Variants in RGS17 observed in about 807,000 individuals in gnomAD.
The protein encoded by RGS17 is regulator of G protein signaling 17.
In RGS17, 12 loss-of-function variants were observed where a neutral mutation model predicts 25.5. That is an observed-to-expected ratio of 0.47 (90% CI 0.30 to 0.76). RGS17 has a LOEUF of 0.76. RGS17 is among the 30% of genes least tolerant of loss of function. RGS17 has a pLI of 0.07. For synonymous variants in RGS17, 71 were observed against 76.9 expected (o/e 0.92, Z 0.40); for missense variants, 196 against 242.2 (o/e 0.81, Z 1.27).
intron 1 of RGS17, among the ~76,000 whole-genome samples, chr6:153,070,808 CACATAT>C (rs965030591): frequency 2.1e-4 from 32 of 150,558 alleles, no homozygotes; most frequent in East Asian, 1.8e-3. Context: ...TATACATATA[CACATAT>C]ACATATACAT....
chr6:153,077,071 A>C lies in RGS17; in HGVS notation c.-25-33028T>G, dbSNP rs181886262. On this transcript the variant is annotated intron_variant, in intron 1 of 4. Transcript: ENST00000206262. ...GGGACCACCTGACATTGTGTGCCTC[A>C]TAACTGATGCAACAGGAGATACTCA... Among the ~76,000 whole-genome samples the C allele has an allele frequency of 1.2e-3, 179 of 152,332 alleles. 1 individual carries two copies. The highest frequency in any genetic ancestry group is 4.1e-3 in the African/African-American group (172 of 41,582).
At position 153,008,323 on chromosome 6, in the gene RGS17, A is replaced by G. The variant is rs1048474905; in HGVS notation, c.*3251T>C. 1.2e-5 allele frequency: 1 copy of G among 80,966 alleles called. No individual in the cohort carries two copies. The highest frequency in any genetic ancestry group is 2.6e-5 in the Non-Finnish European group (1 of 38,656). The allele number at this position is 80,966 out of a possible 1,614,324, so 5.0% of individuals were successfully genotyped here. On this transcript the variant is annotated 3_prime_UTR_variant, in exon 5 of 5. Transcript: ENST00000206262. Reference sequence around the variant, plus strand: ...CTGGTCATTCTATGTACATATTTTAAGATTTCAAAAAAAAAAAACATCACA... The same window carrying G: ...CTGGTCATTCTATGTACATATTTTAGGATTTCAAAAAAAAAAAACATCACA...
At chr6:153,013,894 C>G (rs80298622) in intron 4 of RGS17, among the ~76,000 whole-genome samples, 2 of 150,958 alleles carry the variant, frequency 1.3e-5, no homozygotes, top group East Asian at 4.0e-4. Flanking sequence ...AAGAAGTTAT[C>G]TCCATAACAT....
intron 4 of RGS17, among the ~76,000 whole-genome samples, chr6:153,013,904 T>TA (rs1356036035): frequency 1.3e-5 from 2 of 150,804 alleles, no homozygotes; most frequent in East Asian, 2.0e-4. Context: ...CTCCATAACA[T>TA]AAAAGTTCAA....
rs551092249 is a variant in RGS17 at position 153,078,030 on chromosome 6, C to T, written c.-25-33987G>A. ...TTGGGATTCCAGGCGCCCACCACCA[C>T]GTCTGGCTTATTTTTGTATTTTTAG... is the stretch of plus-strand genomic sequence containing the variant. On this transcript the variant is annotated intron_variant, in intron 1 of 4. Transcript: ENST00000206262. Among the ~76,000 whole-genome samples, 3 of 152,160 alleles carry T rather than the reference C, an allele frequency of 2.0e-5. No homozygotes were observed. The South Asian group carries it at 6.2e-4, about 32-fold the overall frequency.
chr6:153,061,706 T>TC (rs78812565), intron 1 of RGS17, among the ~76,000 whole-genome samples: 58,336 of 151,920 alleles, frequency 0.38, 11,889 homozygotes, highest in East Asian at 0.62. Flanking sequence ...TGTGGAAATA[T>TC]CCCCAGAAGG....
chr6:153,078,905 T>C (rs1194942131), intron 1 of RGS17, among the ~76,000 whole-genome samples: 1 of 149,794 alleles, frequency 6.7e-6, no homozygotes, highest in Non-Finnish European at 1.5e-5. Flanking sequence ...GTATCCTGAC[T>C]AAATTTACAT....
At chr6:153,038,897 G>A (rs1372490467) in intron 2 of RGS17, among the ~76,000 whole-genome samples, 1 of 152,112 alleles carries the variant, frequency 6.6e-6, no homozygotes, top group African/African-American at 2.4e-5. Flanking sequence ...TATTTATGAA[G>A]CACTTAACAT....
At chr6:153,113,761 C>T (rs947791725) in intron 1 of RGS17, among the ~76,000 whole-genome samples, 10 of 152,142 alleles carry the variant, frequency 6.6e-5, no homozygotes, top group African/African-American at 2.2e-4. Context: ...AATTAGAACT[C>T]GGGATTAAGA....
chr6:153,019,314 T>C (rs75103878), intron 4 of RGS17, among the ~76,000 whole-genome samples: 3,730 of 152,128 alleles, frequency 0.025, 68 homozygotes, highest in Middle Eastern at 0.058. Context: ...CAGATACATA[T>C]CTTATATTTA....
intron 1 of RGS17, among the ~76,000 whole-genome samples, chr6:153,062,408 C>G (rs564061451): frequency 2.2e-4 from 34 of 152,272 alleles, no homozygotes; most frequent in African/African-American, 8.2e-4. Flanking sequence ...CCAAATTCAG[C>G]TGATGCCCTC....
At chr6:153,118,286 C>T (rs1777571454) in intron 1 of RGS17, among the ~76,000 whole-genome samples, 1 of 152,192 alleles carries the variant, frequency 6.6e-6, no homozygotes, top group South Asian at 2.1e-4. Flanking sequence ...TTACCAACCT[C>T]ATCTTAATAT....
At chr6:153,023,561 G>T (rs1779267961) in intron 4 of RGS17, among the ~76,000 whole-genome samples, 1 of 152,206 alleles carries the variant, frequency 6.6e-6, no homozygotes, top group South Asian at 2.1e-4. Flanking sequence ...GTGCTATTTG[G>T]TTGCTAGAAG....
At chr6:153,062,757 G>A (rs1251171284) in intron 1 of RGS17, among the ~76,000 whole-genome samples, 1 of 152,102 alleles carries the variant, frequency 6.6e-6, no homozygotes, top group Admixed American at 6.5e-5. Context: ...GGAGAGGAGA[G>A]GGAAGAGTGG....
In RGS17 at chr6:153,057,872, G is replaced by A. The variant is rs565857947; in HGVS notation, c.-25-13829C>T. 2.5e-3 allele frequency among the ~76,000 whole-genome samples: 386 copies of A among 152,158 alleles called. 6 individuals carry two copies. The highest frequency in any genetic ancestry group is 0.021 in the South Asian group (102 of 4,814). On this transcript the variant is annotated intron_variant, in intron 1 of 4. Coordinates refer to ENST00000206262, the MANE Select transcript of RGS17 (RefSeq NM_012419.5). ...TTCACAACAGGATTCATGCTCCTAT[G>A]GGAATTTAAAGCCACTGCTGATTTG... is the stretch of plus-strand genomic sequence containing the variant.
At chr6:153,108,115 T>G (rs1392922998) in intron 1 of RGS17, among the ~76,000 whole-genome samples, 1 of 152,228 alleles carries the variant, frequency 6.6e-6, no homozygotes, top group East Asian at 1.9e-4. Context: ...TGCCACCTCC[T>G]TTTTTGTTAT....
intron 1 of RGS17, among the ~76,000 whole-genome samples, chr6:153,107,550 A>AT (rs11417971): frequency 0.44 from 66,945 of 151,868 alleles, 15,354 homozygotes; most frequent in East Asian, 0.84. Context: ...GTAAAAAAAA[A>AT]ATTCAAGTAC....
chr6:153,067,390 T>C (rs1246382219), intron 1 of RGS17, among the ~76,000 whole-genome samples: 3 of 152,126 alleles, frequency 2.0e-5, no homozygotes, highest in Non-Finnish European at 4.4e-5. Flanking sequence ...TTGCAGACGA[T>C]ATGATCTTAT....
intron 1 of RGS17, among the ~76,000 whole-genome samples, chr6:153,054,131 T>TAC: frequency 7.7e-6 from 1 of 129,638 alleles, no homozygotes; most frequent in Non-Finnish European, 1.6e-5. Flanking sequence ...TATATATATA[T>TAC]ACAGCTTTAT....
Sources: allele counts gnomAD v4.1 joint callset (sites outside exome capture counted in the v4.1 genomes callset), GRCh38; gene constraint gnomAD v4.1.1; transcripts MANE v1.5; gene names NCBI Gene and HGNC (gene_info 2026-07-23, HGNC 2026-07-21).